The following LRP5 variants were observed in gnomAD, a reference collection of about 807,000 sequenced individuals.
LRP5 encodes the protein LDL receptor related protein 5.
A neutral mutation model predicts 154.1 loss-of-function variants in LRP5; 62 were observed. That is an observed-to-expected ratio of 0.40 (90% CI 0.33 to 0.50). The LOEUF (loss-of-function observed/expected upper bound fraction) is 0.50, where lower values mean the gene tolerates loss of function less well. Among genes scored for constraint, LRP5 ranks in the 20% least tolerant of loss-of-function variants. The pLI, the probability that LRP5 is intolerant of heterozygous loss-of-function variation, is 0.55. For missense variants in LRP5, 1,915 were observed against 2,336.7 expected (o/e 0.82, Z 3.72); for synonymous variants, 966 against 1,011.5 (o/e 0.96, Z 0.85).
upstream of LRP5, among the ~76,000 whole-genome samples, chr11:68,310,614 C>T (rs1478303275): frequency 6.6e-6 from 1 of 151,642 alleles, no homozygotes; most frequent in East Asian, 1.9e-4. Context: ...AGTGAGATCC[C>T]ATCTCAAAAC....
the LRP5 span, among the ~76,000 whole-genome samples, chr11:68,301,188 T>C: frequency 6.7e-6 from 1 of 149,496 alleles, no homozygotes; most frequent in Non-Finnish European, 1.5e-5. Context: ...TACCTTGGCC[T>C]CCCAAAATGT....
intron 11 of LRP5, among the ~76,000 whole-genome samples, chr11:68,412,519 C>A (rs2098660174): frequency 2.0e-5 from 3 of 152,044 alleles, no homozygotes; most frequent in Non-Finnish European, 2.9e-5. Flanking sequence ...GTGGTTCATG[C>A]CTGTAGTCCA....
chr11:68,324,085 G>C (rs2098598291), intron 1 of LRP5, among the ~76,000 whole-genome samples: 1 of 152,176 alleles, frequency 6.6e-6, no homozygotes, highest in East Asian at 1.9e-4. Context: ...GGTGGCTTTG[G>C]TGCCGTCCGC....
At chr11:68,339,593 G>T (rs547988292) in intron 1 of LRP5, among the ~76,000 whole-genome samples, 1 of 152,226 alleles carries the variant, frequency 6.6e-6, no homozygotes, top group Admixed American at 6.5e-5. Flanking sequence ...TGATCCGCCC[G>T]CCTCAGCCTC....
At chr11:68,409,439 G>A (rs1179213890) in intron 9 of LRP5, among the ~76,000 whole-genome samples, 1 of 150,456 alleles carries the variant, frequency 6.6e-6, no homozygotes, top group Non-Finnish European at 1.5e-5. Context: ...TTCCAAAAAG[G>A]TGTCTTGCTG....
At chr11:68,401,715 A>C (rs1205375901) in intron 7 of LRP5, among the ~76,000 whole-genome samples, 2 of 151,600 alleles carry the variant, frequency 1.3e-5, no homozygotes, top group Non-Finnish European at 2.9e-5. Flanking sequence ...TTGAGACAAG[A>C]TCTCACCCTG....
intron 1 of LRP5, among the ~76,000 whole-genome samples, chr11:68,327,081 T>TCCCTGCCCGC (rs1165513274): frequency 1.2e-4 from 19 of 152,278 alleles, no homozygotes; most frequent in South Asian, 1.0e-3. Flanking sequence ...GTGCCGCCCG[T>TCCCTGCCCGC]CCCTGCCCGC....
chr11:68,424,793 C>T (rs916007704), intron 14 of LRP5, among the ~76,000 whole-genome samples: 2 of 152,220 alleles, frequency 1.3e-5, no homozygotes, highest in African/African-American at 2.4e-5. Flanking sequence ...CTGCACATGG[C>T]GTGGCCTCTT....
chr11:68,410,260 C>T lies in LRP5; in HGVS notation c.2318+120C>T, dbSNP rs667126. On this transcript the variant is annotated intron_variant, in intron 10 of 22. Coordinates refer to ENST00000294304, the MANE Select transcript of LRP5 (RefSeq NM_002335.4). ...CCCTCGGTGATTAGAGCTGTACTGA[C>T]GTCATTAGCCTTGATGGTGGCCAGG... 0.75 allele frequency: 607,840 copies of T among 812,530 alleles called. 231,059 individuals are homozygous for T. The highest frequency in any genetic ancestry group is 0.84 in the South Asian group (57,581 of 68,878). 50.3% of individuals were successfully genotyped at this position (812,530 alleles called of 1,614,324 possible). A position where few individuals can be genotyped will look rare whatever the true frequency, so the allele number is the denominator to read the frequency against.
At chr11:68,439,732 C>G in intron 20 of LRP5, 45 bp from the exon 21 acceptor site, 1 of 1,594,958 alleles carries the variant, frequency 6.3e-7, no homozygotes, top group Non-Finnish European at 8.5e-7. Context: ...GGCGGCTTGG[C>G]TGAGCCTGGA....
At chr11:68,316,932 CACTT>C (rs1365179597) in intron 1 of LRP5, among the ~76,000 whole-genome samples, 3 of 152,388 alleles carry the variant, frequency 2.0e-5, no homozygotes, top group South Asian at 4.1e-4. Flanking sequence ...GCTTTGGAAA[CACTT>C]AATGCGCTCT....
At chr11:68,376,494 C>T (rs1248746707) in intron 5 of LRP5, among the ~76,000 whole-genome samples, 1 of 152,132 alleles carries the variant, frequency 6.6e-6, no homozygotes, top group African/African-American at 2.4e-5. Flanking sequence ...GGCCCTACTT[C>T]TTAAATGGGC....
intron 1 of LRP5, among the ~76,000 whole-genome samples, chr11:68,326,047 T>C (rs1002043313): frequency 1.3e-5 from 2 of 152,234 alleles, no homozygotes; most frequent in African/African-American, 4.8e-5. Flanking sequence ...CCTGGTGGCC[T>C]GTGGGTTGCG....
At chr11:68,363,697 T>G in intron 3 of LRP5, 50 bp from the exon 4 acceptor site, 1 of 1,453,166 alleles carries the variant, frequency 6.9e-7, no homozygotes, top group Non-Finnish European at 9.6e-7. Context: ...CAGCAATGAC[T>G]GTCGGGGGAC....
chr11:68,310,621 A>G (rs1169866882), upstream of LRP5, among the ~76,000 whole-genome samples: 1 of 151,982 alleles, frequency 6.6e-6, no homozygotes, highest in African/African-American at 2.4e-5. Context: ...TCCCATCTCA[A>G]AACAAAACAA....
intron 1 of LRP5, among the ~76,000 whole-genome samples, chr11:68,313,493 A>G (rs908017744): frequency 1.3e-4 from 20 of 152,084 alleles, no homozygotes; most frequent in African/African-American, 4.6e-4. Flanking sequence ...CTTGTGCCTC[A>G]GTTGTACACT....
chr11:68,328,522 G>T (rs753410254), intron 1 of LRP5, among the ~76,000 whole-genome samples: 7 of 152,188 alleles, frequency 4.6e-5, no homozygotes, highest in Non-Finnish European at 1.0e-4. Flanking sequence ...GCTTCCCTCT[G>T]CAGTGGGCAT....
At chr11:68,409,791 A>C (rs1029332546) in intron 9 of LRP5, 123 bp from the exon 10 acceptor site, 5 of 771,806 alleles carry the variant, frequency 6.5e-6, no homozygotes, top group Non-Finnish European at 1.1e-5. Context: ...CAGAGGTTGC[A>C]GTGAGCCGAG....
chr11:68,406,335 G>T (rs2098655618), intron 8 of LRP5, among the ~76,000 whole-genome samples, 189 bp from the exon 9 acceptor site: 1 of 152,212 alleles, frequency 6.6e-6, no homozygotes, highest in Non-Finnish European at 1.5e-5. Flanking sequence ...CAGGTGAAAG[G>T]TGCGTGTGTG....
Sources: gnomAD v4.1 joint callset for allele counts (sites outside exome capture counted in the v4.1 genomes callset) on GRCh38, gnomAD v4.1.1 for gene constraint, MANE v1.5 for transcripts, NCBI Gene and HGNC (gene_info 2026-07-23, HGNC 2026-07-21) for gene names.